The following RCAN3 variants were observed in gnomAD, a reference collection of about 807,000 sequenced individuals.
The protein encoded by RCAN3 is regulator of calcineurin 3.
RCAN3 carries 19 observed loss-of-function variants against 21.9 expected under a neutral mutation model. That is an observed-to-expected ratio of 0.87 (90% CI 0.61 to 1.27). The LOEUF is 1.27. Among genes scored for constraint, RCAN3 ranks in the 50% most tolerant of loss-of-function variants. The probability of loss-of-function intolerance (pLI) is 0.00; values close to 1 mark genes in which losing one functional copy is unlikely to be tolerated. For synonymous variants in RCAN3, 114 were observed against 112.3 expected, an observed-to-expected ratio of 1.01 and a Z score of -0.09; for missense variants, 240 against 300.1, an observed-to-expected ratio of 0.80 and a Z score of 1.48.
chr1:24,515,368 G>T (rs1052312910), intron 2 of RCAN3, among the ~76,000 whole-genome samples: 1 of 151,924 alleles, frequency 6.6e-6, no homozygotes, highest in African/African-American at 2.4e-5. Context: ...TGGGGAAAAT[G>T]ATTGAGCTTA....
intron 1 of RCAN3, among the ~76,000 whole-genome samples, chr1:24,513,039 C>T (rs1648015649): frequency 6.6e-6 from 1 of 151,958 alleles, no homozygotes; most frequent in Non-Finnish European, 1.5e-5. Context: ...AGATCGAGAC[C>T]ATCCTGGCTA....
intron 2 of RCAN3, among the ~76,000 whole-genome samples, chr1:24,516,440 G>A (rs1412831112): frequency 6.6e-6 from 1 of 152,218 alleles, no homozygotes; most frequent in African/African-American, 2.4e-5. Flanking sequence ...TTTTAGCAGG[G>A]AAGGGAAAGG....
intron 2 of RCAN3, among the ~76,000 whole-genome samples, chr1:24,519,215 G>GTTTTT (rs60599694): frequency 7.3e-6 from 1 of 136,734 alleles, no homozygotes; most frequent in African/African-American, 2.7e-5. Context: ...CTGGCCTGAT[G>GTTTTT]TTTTTTTTTT....
intron 4 of RCAN3, among the ~76,000 whole-genome samples, chr1:24,534,241 A>G (rs928441894): frequency 3.3e-5 from 5 of 152,160 alleles, no homozygotes; most frequent in South Asian, 2.1e-4. Flanking sequence ...CCAAGTTCCT[A>G]TAATCAAGGG....
At chr1:24,531,109 A>G in intron 2 of RCAN3, 109 bp from the exon 3 acceptor site, 2 of 765,348 alleles carry the variant, frequency 2.6e-6, no homozygotes, top group South Asian at 5.1e-5. Flanking sequence ...AGGTTAACTT[A>G]TAATGAGTTC....
upstream of RCAN3, chr1:24,502,806 G>C (rs1647198295): frequency 6.6e-6 from 1 of 150,768 alleles, no homozygotes; most frequent in Admixed American, 6.6e-5. Context: ...CTGGGCTCTG[G>C]CGCCTGCGCC....
chr1:24,525,066 A>C lies in RCAN3; in HGVS notation c.196-6152A>C, dbSNP rs1649155703. ...TTCCCAGTTTGTTCTTCAGTGAAAC[A>C]GCTAAACCTTGCCTTCTCCGAATTG... On this transcript the variant is annotated intron_variant, in intron 2 of 4. Coordinates refer to ENST00000374395, the MANE Select transcript of RCAN3 (RefSeq NM_013441.4). The surrounding 1 kb of genome is among the most constrained non-coding windows in gnomAD (Gnocchi z 4.1). 6.6e-6 allele frequency among the ~76,000 whole-genome samples: 1 copy of C among 152,010 alleles called. No homozygotes were observed. The highest frequency in any genetic ancestry group is 6.6e-5 in the Admixed American group (1 of 15,242).
At chr1:24,515,628 T>G (rs1317017549) in intron 2 of RCAN3, among the ~76,000 whole-genome samples, 1 of 152,098 alleles carries the variant, frequency 6.6e-6, no homozygotes, top group Non-Finnish European at 1.5e-5. Context: ...CCAAAATATT[T>G]CCCTTCCGAT....
chr1:24,527,765 T>C (rs1557576009), intron 2 of RCAN3, among the ~76,000 whole-genome samples: 1 of 152,226 alleles, frequency 6.6e-6, no homozygotes, highest in East Asian at 1.9e-4. Flanking sequence ...TTGAGAAGTT[T>C]CTTGGATCCA....
rs967722199 is a variant in RCAN3, at chr1:24,513,302, A to C, written c.-59-1012A>C. Reference sequence around the variant, plus strand: ...TAATTTTTTGTAGGGGCAAGGTCTCACTATGTTGTCAGGCTGGTCTTGAAC... The same window carrying C: ...TAATTTTTTGTAGGGGCAAGGTCTCCCTATGTTGTCAGGCTGGTCTTGAAC... On this transcript the variant is annotated intron_variant, in intron 1 of 4. Transcript: ENST00000374395. Among the ~76,000 whole-genome samples, 7 of 152,090 alleles carry C rather than the reference A, an allele frequency of 4.6e-5. No individual in the cohort carries two copies. In the South Asian group the frequency reaches 6.2e-4, roughly 14 times the overall value.
chr1:24,503,717 G>C (rs1161671130), intron 1 of RCAN3, among the ~76,000 whole-genome samples: 2 of 152,216 alleles, frequency 1.3e-5, no homozygotes, highest in African/African-American at 4.8e-5. Context: ...TAGAGATTAG[G>C]ATTCTAGTGT....
chr1:24,516,514 G>A (rs1249996566), intron 2 of RCAN3, among the ~76,000 whole-genome samples: 1 of 152,092 alleles, frequency 6.6e-6, no homozygotes. Context: ...GGCCATTTCG[G>A]GAGTAGCAAG....
At chr1:24,512,032 G>T (rs1358031814) in intron 1 of RCAN3, among the ~76,000 whole-genome samples, 1 of 152,062 alleles carries the variant, frequency 6.6e-6, no homozygotes, top group Non-Finnish European at 1.5e-5. Context: ...CAGATGGTAG[G>T]GCTCGCAGGA....
At position 24,514,330 on chromosome 1, in the gene RCAN3, A is replaced by T; in HGVS notation, c.-43A>T. ...TTTTAACAGTGGGTGCCTGATAGACATCCTAGGACTATACAGAAGGAAAAG... is the reference window on the plus strand; with the variant it reads ...TTTTAACAGTGGGTGCCTGATAGACTTCCTAGGACTATACAGAAGGAAAAG... On this transcript the variant is annotated 5_prime_UTR_variant, in exon 2 of 5. Coordinates refer to ENST00000374395, the MANE Select transcript of RCAN3 (RefSeq NM_013441.4). 2 of 1,439,764 alleles carry T rather than the reference A, an allele frequency of 1.4e-6. No homozygotes were observed. Among genetic ancestry groups the T allele is most frequent in the Non-Finnish European group, 9.2e-7 (1 of 1,085,614 alleles). The allele number at this position is 1,439,764 out of a possible 1,614,324, so 89.2% of individuals were successfully genotyped here.
rs369369257 is a variant in RCAN3 at position 24,515,188 on chromosome 1, A to G, written c.195+621A>G. Among the ~76,000 whole-genome samples, 144 of 152,318 alleles carry G rather than the reference A, an allele frequency of 9.5e-4. 1 individual carries two copies. The highest frequency in any genetic ancestry group is 6.8e-3 in the Middle Eastern group (2 of 294). ...CACTTATTCATTTTCGGAGACTACAATTAAAGAAAACCTGGGGATCTTTAG... is the reference window on the plus strand; with the variant it reads ...CACTTATTCATTTTCGGAGACTACAGTTAAAGAAAACCTGGGGATCTTTAG... On this transcript the variant is annotated intron_variant, in intron 2 of 4. Coordinates refer to ENST00000374395, the MANE Select transcript of RCAN3 (RefSeq NM_013441.4).
At chr1:24,526,775 C>A (rs1398931975) in intron 2 of RCAN3, among the ~76,000 whole-genome samples, 1 of 151,972 alleles carries the variant, frequency 6.6e-6, no homozygotes, top group Non-Finnish European at 1.5e-5. Flanking sequence ...TTAGTATTTT[C>A]TTAATGTTTA....
chr1:24,534,974 A>T (rs1212498670), intron 4 of RCAN3, 119 bp from the exon 5 acceptor site: 7 of 918,096 alleles, frequency 7.6e-6, no homozygotes, highest in Non-Finnish European at 1.1e-5. Flanking sequence ...GTATTTAAAG[A>T]TTTAAAGAAC....
At chr1:24,521,763 G>A (rs1222170239) in intron 2 of RCAN3, among the ~76,000 whole-genome samples, 2 of 152,122 alleles carry the variant, frequency 1.3e-5, no homozygotes, top group African/African-American at 2.4e-5. Flanking sequence ...CAGGAGAATC[G>A]CTTGAACCTG....
intron 1 of RCAN3, among the ~76,000 whole-genome samples, chr1:24,508,185 A>G (rs957895735): frequency 1.3e-5 from 2 of 152,276 alleles, no homozygotes; most frequent in African/African-American, 4.8e-5. Flanking sequence ...CTTGGTATAT[A>G]AATTTGAATG....
Sources: gnomAD v4.1 joint callset for allele counts (sites outside exome capture counted in the v4.1 genomes callset) on GRCh38, gnomAD v4.1.1 for gene constraint, Gnocchi (gnomAD v3.1) non-coding constraint, MANE v1.5 for transcripts, NCBI Gene and HGNC (gene_info 2026-07-23, HGNC 2026-07-21) for gene names.